The following DHX35 variants were observed in gnomAD, a reference collection of about 807,000 sequenced individuals.
DHX35 encodes DEAH-box helicase 35.
A neutral mutation model predicts 99.6 loss-of-function variants in DHX35; 84 were observed. That is an observed-to-expected ratio of 0.84 (90% CI 0.71 to 1.01). DHX35 has a LOEUF of 1.01. Among genes scored for constraint, DHX35 ranks in the 50% least tolerant of loss-of-function variants. DHX35 has a pLI of 0.00. For synonymous variants in DHX35, 331 were observed against 316.2 expected, an observed-to-expected ratio of 1.05 and a Z score of -0.50; for missense variants, 852 against 888.5, an observed-to-expected ratio of 0.96 and a Z score of 0.52.
chr20:39,016,472 T>G (rs1432482995), intron 14 of DHX35, among the ~76,000 whole-genome samples: 1 of 152,230 alleles, frequency 6.6e-6, no homozygotes, highest in African/African-American at 2.4e-5. Context: ...TATTCATACC[T>G]TATCCCCTTT....
intron 9 of DHX35, among the ~76,000 whole-genome samples, chr20:39,002,105 AG>A (rs2086530574): frequency 6.6e-6 from 1 of 152,164 alleles, no homozygotes; most frequent in Non-Finnish European, 1.5e-5. Flanking sequence ...GGTTTTGGGG[AG>A]GGAAGCTTGA....
chr20:39,030,936 G>T (rs2087040307), intron 20 of DHX35, among the ~76,000 whole-genome samples, 161 bp downstream of exon 20: 1 of 152,198 alleles, frequency 6.6e-6, no homozygotes, highest in African/African-American at 2.4e-5. Context: ...GCCAATGTAG[G>T]CAGGTCACCT....
intron 8 of DHX35, among the ~76,000 whole-genome samples, chr20:38,995,838 G>A (rs372888274): frequency 3.3e-5 from 5 of 152,294 alleles, no homozygotes; most frequent in African/African-American, 9.6e-5. Flanking sequence ...GATGGATGAA[G>A]GTGGGGAAGG....
At chr20:38,971,797 T>C (rs1292141765) in intron 2 of DHX35, among the ~76,000 whole-genome samples, 1 of 151,996 alleles carries the variant, frequency 6.6e-6, no homozygotes, top group African/African-American at 2.4e-5. Context: ...CAAGTAGATA[T>C]TTCCTCTTCT....
intron 7 of DHX35, among the ~76,000 whole-genome samples, chr20:38,993,806 G>C (rs2086379657): frequency 6.6e-6 from 1 of 151,662 alleles, no homozygotes. Flanking sequence ...AGTTCTTTTA[G>C]ACATAGGTAC....
intron 16 of DHX35, among the ~76,000 whole-genome samples, chr20:39,022,221 C>T (rs1180283610): frequency 3.3e-5 from 5 of 152,046 alleles, no homozygotes; most frequent in East Asian, 1.9e-4. Context: ...AATGCAGTGG[C>T]GTGATCTCAG....
At chr20:38,993,242 C>G (rs1235868548) in intron 7 of DHX35, among the ~76,000 whole-genome samples, 7 of 152,190 alleles carry the variant, frequency 4.6e-5, no homozygotes, top group Non-Finnish European at 2.9e-5. Flanking sequence ...TGCTGGTATA[C>G]TTTCCTTTAT....
In DHX35 at chr20:39,023,696, G is replaced by A. The variant is rs746470560; in HGVS notation, c.1600G>A (p.Val534Met). The A allele has an allele frequency of 6.2e-7, 1 of 1,614,004 alleles. No homozygotes were observed. The highest frequency in any genetic ancestry group is 1.7e-5 in the Admixed American group (1 of 60,022). ...PPNQKSHAIR[V>M]HRKFAVEEGD... ...GTTGCTTCATTCTTTCCAGATTCGA[G>A]TGCACCGTAAATTTGCTGTGGAGGA... Residue 534 changes from valine to methionine, a missense_variant, in exon 17 of 22, where the codon GTG becomes ATG. Coordinates refer to ENST00000252011, the MANE Select transcript of DHX35 (RefSeq NM_021931.4).
chr20:38,972,704 T>G, intron 3 of DHX35, 53 bp downstream of exon 3: 1 of 1,298,242 alleles, frequency 7.7e-7, no homozygotes, highest in African/African-American at 1.5e-5. Context: ...TGGAAGAATT[T>G]TGTAACTTGA....
At chr20:38,967,520 T>G (rs190671812) in intron 1 of DHX35, among the ~76,000 whole-genome samples, 2 of 152,372 alleles carry the variant, frequency 1.3e-5, no homozygotes, top group East Asian at 3.9e-4. Context: ...TTATTACTCC[T>G]AGTTCTGTCC....
chr20:38,989,667 T>C (rs2086308104), intron 5 of DHX35, among the ~76,000 whole-genome samples: 1 of 152,070 alleles, frequency 6.6e-6, no homozygotes, highest in Non-Finnish European at 1.5e-5. Context: ...AAAAATAGAG[T>C]AGTATAAGTT....
chr20:39,001,937 TG>T lies in DHX35; in HGVS notation c.755+99del, dbSNP rs544290928. On this transcript the variant is annotated intron_variant, in intron 9 of 21. Transcript: ENST00000252011. ...TGCATTTGCTCACAACTCTAAAGGATGGGGAGGAGCATGTTTTGTGTCCCTA... is the reference window on the plus strand; with the variant it reads ...TGCATTTGCTCACAACTCTAAAGGATGGGAGGAGCATGTTTTGTGTCCCTA... 410 of 955,638 alleles carry T rather than the reference TG, an allele frequency of 4.3e-4. 5 individuals carry two copies. In the South Asian group the frequency reaches 5.5e-3, roughly 13 times the overall value. 59.2% of individuals were successfully genotyped at this position (955,638 alleles called of 1,614,324 possible). A position where few individuals can be genotyped will look rare whatever the true frequency, so the allele number is the denominator to read the frequency against.
intron 19 of DHX35, 130 bp downstream of exon 19, chr20:39,028,629 C>T (rs1001544810): frequency 9.4e-7 from 1 of 1,063,504 alleles, no homozygotes; most frequent in East Asian, 2.5e-5. Flanking sequence ...CCTTCCAAAA[C>T]TGAGTTGAGG....
At chr20:39,011,219 A>T (rs1398036977) in intron 13 of DHX35, among the ~76,000 whole-genome samples, 1 of 151,216 alleles carries the variant, frequency 6.6e-6, no homozygotes, top group Non-Finnish European at 1.5e-5. Flanking sequence ...TAATTTTTAT[A>T]ATATTTCTTA....
At chr20:38,975,306 G>A (rs910867739) in intron 3 of DHX35, among the ~76,000 whole-genome samples, 11 of 152,352 alleles carry the variant, frequency 7.2e-5, no homozygotes, top group African/African-American at 2.2e-4. Flanking sequence ...AGATGGAATT[G>A]AGAGCCTAGT....
chr20:38,964,950 A>G (rs1032475801), intron 1 of DHX35, among the ~76,000 whole-genome samples: 4 of 152,234 alleles, frequency 2.6e-5, no homozygotes, highest in Admixed American at 1.3e-4. Flanking sequence ...GTAATAACTC[A>G]GATTTCTGGG....
chr20:38,995,906 G>A (rs2086421924), intron 8 of DHX35, among the ~76,000 whole-genome samples: 1 of 152,124 alleles, frequency 6.6e-6, no homozygotes, highest in African/African-American at 2.4e-5. Flanking sequence ...GGAGCTTCGA[G>A]TCTTATCTTA....
intron 2 of DHX35, among the ~76,000 whole-genome samples, chr20:38,971,390 G>A (rs1467240546): frequency 6.6e-6 from 1 of 151,992 alleles, no homozygotes. Context: ...TGGAACTAAA[G>A]CATCAAGAGA....
chr20:38,996,624 A>T (rs945126999), intron 8 of DHX35, among the ~76,000 whole-genome samples: 1 of 152,146 alleles, frequency 6.6e-6, no homozygotes, highest in African/African-American at 2.4e-5. Flanking sequence ...TCCAGGTGAG[A>T]TGTGGTCCCT....
Sources: gnomAD v4.1 joint callset for allele counts (sites outside exome capture counted in the v4.1 genomes callset) on GRCh38, gnomAD v4.1.1 for gene constraint, MANE v1.5 for transcripts, NCBI Gene and HGNC (gene_info 2026-07-23, HGNC 2026-07-21) for gene names.